The following ANO3 variants were observed in gnomAD, a reference collection of about 807,000 sequenced individuals.
ANO3 encodes the protein anoctamin-3.
In ANO3, 99 loss-of-function variants were observed where a neutral mutation model predicts 144.8. The ratio of observed to expected loss-of-function variants is 0.68; its 90% CI spans 0.58 to 0.81. The LOEUF is 0.81. Ranked by LOEUF, ANO3 falls within the 30% of genes least tolerant of loss-of-function variation. The pLI, the probability that ANO3 is intolerant of heterozygous loss-of-function variation, is 0.00. For synonymous variants in ANO3, 414 were observed against 392.6 expected (o/e 1.05, Z -0.64); for missense variants, 905 against 1,202.2 (o/e 0.75, Z 3.66).
At chr11:26,418,708 G>A (rs900425567) in intron 1 of ANO3, among the ~76,000 whole-genome samples, 34 of 151,568 alleles carry the variant, frequency 2.2e-4, no homozygotes, top group Admixed American at 2.6e-4. Context: ...AAACAAGCGC[G>A]CGCGCGCACA....
At chr11:26,344,644 C>T (rs569860803) in intron 1 of ANO3, among the ~76,000 whole-genome samples, 45 of 152,180 alleles carry the variant, frequency 3.0e-4, no homozygotes, top group Non-Finnish European at 5.9e-4. Context: ...GGATTACAGA[C>T]GTGAGCCACC....
chr11:26,538,509 A>C (rs1590485973), intron 10 of ANO3, among the ~76,000 whole-genome samples: 1 of 152,266 alleles, frequency 6.6e-6, no homozygotes, highest in Admixed American at 6.5e-5. Context: ...AGCTCAGAGA[A>C]ATTAAACACT....
Position 26,586,501 on chromosome 11 carries a change from A to ATTTTTTTTTTTTTTT in ANO3, c.1448-11863_1448-11862insTTTTTTTTTTTTTTT, listed in dbSNP as rs1281089936. ...TAAAGAAGGGGCTTCCCTGGTGAGA[A>ATTTTTTTTTTTTTTT]TCTTTTTTTTTTTTTTTTTTGAGAC... On this transcript the variant is annotated intron_variant, in intron 14 of 26. Transcript: ENST00000256737. Among the ~76,000 whole-genome samples the ATTTTTTTTTTTTTTT allele has an allele frequency of 1.2e-3, 47 of 39,988 alleles. 1 individual carries two copies. The highest frequency in any genetic ancestry group is 5.6e-3 in the Admixed American group (19 of 3,386). 26.2% of individuals were successfully genotyped at this position (39,988 alleles called of 152,430 possible).
intron 1 of ANO3, among the ~76,000 whole-genome samples, chr11:26,438,167 C>G (rs777384246): frequency 2.6e-5 from 4 of 152,028 alleles, no homozygotes; most frequent in Non-Finnish European, 4.4e-5. Context: ...AATTTCAATA[C>G]AGTGGGAAAG....
chr11:26,617,976 A>G (rs940716401), intron 17 of ANO3, among the ~76,000 whole-genome samples: 1 of 152,196 alleles, frequency 6.6e-6, no homozygotes, highest in Non-Finnish European at 1.5e-5. Flanking sequence ...CATCAAAAGT[A>G]TTTATTTAGA....
intron 17 of ANO3, among the ~76,000 whole-genome samples, chr11:26,612,926 C>T (rs1048857569): frequency 2.6e-5 from 4 of 152,006 alleles, no homozygotes; most frequent in African/African-American, 4.8e-5. Context: ...ATTTTGGAAT[C>T]TTCTCTTTGA....
At chr11:26,379,922 C>A (rs1022160267) in intron 1 of ANO3, among the ~76,000 whole-genome samples, 3 of 152,148 alleles carry the variant, frequency 2.0e-5, no homozygotes, top group African/African-American at 7.2e-5. Flanking sequence ...ACACCTTGAG[C>A]ATTTAGATGC....
At chr11:26,297,710 G>T (rs1415444597) in intron 1 of ANO3, among the ~76,000 whole-genome samples, 1 of 152,088 alleles carries the variant, frequency 6.6e-6, no homozygotes, top group Admixed American at 6.6e-5. Flanking sequence ...ACTACAAAGG[G>T]AAAGGCAATA....
At chr11:26,329,280 C>A (rs538238145), upstream of ANO3, among the ~76,000 whole-genome samples, 1 of 148,284 alleles carries the variant, frequency 6.7e-6, no homozygotes, top group African/African-American at 2.5e-5. Context: ...ACTTCCAAAA[C>A]GTACTTTCTT....
At chr11:26,202,272 TAA>T (rs1301687423) in intron 1 of ANO3, among the ~76,000 whole-genome samples, 1 of 145,884 alleles carries the variant, frequency 6.9e-6, no homozygotes, top group African/African-American at 2.5e-5. Flanking sequence ...AATATCTATA[TAA>T]TATATATTAT....
intron 4 of ANO3, among the ~76,000 whole-genome samples, chr11:26,479,653 G>A (rs1222869119): frequency 6.6e-6 from 1 of 152,074 alleles, no homozygotes. Flanking sequence ...TTGACACCTG[G>A]GGATTATTAC....
intron 4 of ANO3, among the ~76,000 whole-genome samples, chr11:26,467,123 C>A (rs1475866539): frequency 1.3e-5 from 2 of 151,794 alleles, no homozygotes; most frequent in Non-Finnish European, 2.9e-5. Flanking sequence ...TTATAGTTAA[C>A]AGCAGTCACA....
intron 18 of ANO3, among the ~76,000 whole-genome samples, chr11:26,630,538 G>A (rs1250201079): frequency 6.7e-6 from 1 of 149,726 alleles, no homozygotes; most frequent in Non-Finnish European, 1.5e-5. Flanking sequence ...TTGTGTACAT[G>A]TAGCTTTTAT....
At chr11:26,577,399 A>G (rs1456007143) in intron 14 of ANO3, among the ~76,000 whole-genome samples, 1 of 152,130 alleles carries the variant, frequency 6.6e-6, no homozygotes, top group Non-Finnish European at 1.5e-5. Flanking sequence ...TGTACTAAAA[A>G]TACAGAAAAA....
At chr11:26,555,522 A>C (rs559714966) in intron 13 of ANO3, among the ~76,000 whole-genome samples, 2 of 152,300 alleles carry the variant, frequency 1.3e-5, no homozygotes, top group African/African-American at 4.8e-5. Context: ...CTGAACAGAG[A>C]AAGGTACATT....
intron 1 of ANO3, among the ~76,000 whole-genome samples, chr11:26,416,420 T>C (rs530822974): frequency 9.4e-4 from 142 of 151,848 alleles, no homozygotes; most frequent in Non-Finnish European, 1.6e-3. Flanking sequence ...TTAGTTTTTT[T>C]TTTCTTTCTT....
intron 1 of ANO3, among the ~76,000 whole-genome samples, chr11:26,310,329 G>A (rs1477116649): frequency 6.6e-6 from 1 of 152,108 alleles, no homozygotes; most frequent in East Asian, 1.9e-4. Flanking sequence ...CCAATTGATT[G>A]GTTATTGGTT....
At chr11:26,567,169 C>A in intron 14 of ANO3, 4 of 1,320,286 alleles carry the variant, frequency 3.0e-6, no homozygotes, top group Middle Eastern at 1.9e-4. Flanking sequence ...ATATTTAAAG[C>A]CAAGTCAACT....
At chr11:26,597,381 G>A (rs928351852) in intron 14 of ANO3, among the ~76,000 whole-genome samples, 1 of 152,202 alleles carries the variant, frequency 6.6e-6, no homozygotes, top group Non-Finnish European at 1.5e-5. Context: ...GTGTTCAGCT[G>A]GATTAGGACG....
Sources: allele counts gnomAD v4.1 joint callset (sites outside exome capture counted in the v4.1 genomes callset), GRCh38; gene constraint gnomAD v4.1.1; transcripts MANE v1.5; gene names NCBI Gene and HGNC (gene_info 2026-07-23, HGNC 2026-07-21).